STARD13: variants seen among roughly 807,000 people sequenced by gnomAD.
STARD13 encodes the protein stAR-related lipid transfer protein 13.
Under a neutral mutation model 106.4 loss-of-function variants are expected in STARD13, and 62 were observed. The observed-to-expected ratio is 0.58, with a 90% CI of 0.48 to 0.72. The LOEUF (loss-of-function observed/expected upper bound fraction) is 0.72. STARD13 is among the 30% of genes least tolerant of loss of function. The pLI is 0.00. For synonymous variants in STARD13, 565 were observed against 553.0 expected (o/e 1.02, Z -0.31); for missense variants, 1,387 against 1,424.0 (o/e 0.97, Z 0.42).
the STARD13 span, among the ~76,000 whole-genome samples, chr13:33,659,003 C>T: frequency 1.3e-5 from 2 of 152,046 alleles, no homozygotes; most frequent in Non-Finnish European, 2.9e-5. Flanking sequence ...GGTGGCAAGC[C>T]CAGGAAGCAC....
At chr13:33,146,853 C>T (rs1255002169) in intron 3 of STARD13, among the ~76,000 whole-genome samples, 2 of 152,198 alleles carry the variant, frequency 1.3e-5, no homozygotes, top group Non-Finnish European at 2.9e-5. Context: ...TATTCCTATG[C>T]CCTTTTCCCC....
In STARD13 at chr13:33,285,695, C is replaced by A; in HGVS notation, c.-57G>T. On this transcript the variant is annotated 5_prime_UTR_variant, in exon 1 of 14. Transcript: ENST00000336934. ...GCCTGTGGCTGTTGCCGTCTGTCTC[C>A]AGTCTCAGTCAAAGAGCAAGGCACC... 6.3e-7 allele frequency: 1 copy of A among 1,595,688 alleles called. No homozygotes were observed. The highest frequency in any genetic ancestry group is 1.1e-5 in the South Asian group (1 of 87,114).
the STARD13 span, among the ~76,000 whole-genome samples, chr13:33,415,774 T>G: frequency 6.6e-6 from 1 of 152,202 alleles, no homozygotes; most frequent in African/African-American, 2.4e-5. Flanking sequence ...AAAACATCCT[T>G]AATCTTCTTT....
the STARD13 span, among the ~76,000 whole-genome samples, chr13:33,545,497 A>G: frequency 6.6e-6 from 1 of 152,174 alleles, no homozygotes; most frequent in African/African-American, 2.4e-5. Context: ...GTAATGCTAT[A>G]TTTCATATAC....
At chr13:33,251,889 A>G (rs1347944567) in intron 1 of STARD13, among the ~76,000 whole-genome samples, 1 of 152,244 alleles carries the variant, frequency 6.6e-6, no homozygotes, top group African/African-American at 2.4e-5. Context: ...CCTGAACACA[A>G]TTTCAAAGTA....
rs564467647 is a variant in STARD13 at position 33,259,567 on chromosome 13, G to A, written c.169+25903C>T. ...CATCTACATAGTTGTCATGCAAAGA[G>A]AGCACTGAAAGTGGTTTGTGCATTC... On this transcript the variant is annotated intron_variant, in intron 1 of 13. Transcript: ENST00000336934. Among the ~76,000 whole-genome samples the A allele has an allele frequency of 6.6e-5, 10 of 152,254 alleles. No individual in the cohort carries two copies. In the East Asian group the frequency reaches 1.9e-3, roughly 29 times the overall value.
the STARD13 span, among the ~76,000 whole-genome samples, chr13:33,675,066 C>T: frequency 6.6e-6 from 1 of 152,170 alleles, no homozygotes; most frequent in Non-Finnish European, 1.5e-5. Context: ...CCCAGCTTCC[C>T]TTCCTTAGGA....
chr13:33,167,040 G>A (rs17078657), intron 2 of STARD13, among the ~76,000 whole-genome samples: 32,932 of 150,542 alleles, frequency 0.22, 5,905 homozygotes, highest in African/African-American at 0.49. Flanking sequence ...GAAAGGAAGT[G>A]TAATGCTAGC....
chr13:33,459,456 T>G, the STARD13 span, among the ~76,000 whole-genome samples: 5 of 152,236 alleles, frequency 3.3e-5, no homozygotes, highest in African/African-American at 1.2e-4. Flanking sequence ...TATTATTGAG[T>G]AGTGTTCTAT....
the STARD13 span, among the ~76,000 whole-genome samples, chr13:33,637,748 C>T: frequency 5.3e-5 from 8 of 152,202 alleles, no homozygotes; most frequent in African/African-American, 1.9e-4. Flanking sequence ...TTCTAATCAA[C>T]TCACACATTT....
At chr13:33,114,573 G>A (rs934502324) in intron 8 of STARD13, among the ~76,000 whole-genome samples, 1 of 152,190 alleles carries the variant, frequency 6.6e-6, no homozygotes, top group African/African-American at 2.4e-5. Context: ...AGAAACAGAT[G>A]GTACTAATGA....
At chr13:33,263,834 A>T (rs972576444) in intron 1 of STARD13, among the ~76,000 whole-genome samples, 7 of 152,230 alleles carry the variant, frequency 4.6e-5, no homozygotes, top group Non-Finnish European at 7.3e-5. Flanking sequence ...AATGTGTCAA[A>T]CATATATTTT....
the STARD13 span, among the ~76,000 whole-genome samples, chr13:33,417,525 CCA>C: frequency 6.6e-6 from 1 of 152,138 alleles, no homozygotes; most frequent in South Asian, 2.1e-4. Flanking sequence ...ACCCAAATGT[CCA>C]CAAACTGATG....
intron 3 of STARD13, among the ~76,000 whole-genome samples, chr13:33,148,306 G>C (rs1593968573): frequency 6.6e-6 from 1 of 152,116 alleles, no homozygotes; most frequent in South Asian, 2.1e-4. Flanking sequence ...TATACAGAGA[G>C]AGCATATTTG....
the STARD13 span, among the ~76,000 whole-genome samples, chr13:33,666,356 C>T: frequency 3.9e-5 from 6 of 152,270 alleles, no homozygotes; most frequent in African/African-American, 9.6e-5. Flanking sequence ...TGCGGTGGCA[C>T]GATCTCGGCT....
the STARD13 span, among the ~76,000 whole-genome samples, chr13:33,623,010 A>C: frequency 6.1e-3 from 924 of 151,884 alleles, 11 homozygotes; most frequent in African/African-American, 0.021. Flanking sequence ...GAGGCAGGAG[A>C]ATTGCTTGAA....
At chr13:33,391,574 C>T in the STARD13 span, among the ~76,000 whole-genome samples, 3 of 152,192 alleles carry the variant, frequency 2.0e-5, no homozygotes, top group East Asian at 3.9e-4. Context: ...TTATTATGGA[C>T]GTGACAGAAT....
intron 4 of STARD13, among the ~76,000 whole-genome samples, chr13:33,133,016 A>G (rs1283361603): frequency 1.3e-5 from 2 of 152,202 alleles, no homozygotes; most frequent in African/African-American, 4.8e-5. Context: ...AGTTGATATT[A>G]AATAAGGACT....
At chr13:33,567,653 A>G in the STARD13 span, among the ~76,000 whole-genome samples, 1 of 148,376 alleles carries the variant, frequency 6.7e-6, no homozygotes, top group Admixed American at 6.9e-5. Flanking sequence ...AAGGTGAACA[A>G]AAAGTGAAAA....
Sources: gnomAD v4.1 joint callset for allele counts (sites outside exome capture counted in the v4.1 genomes callset) on GRCh38, gnomAD v4.1.1 for gene constraint, MANE v1.5 for transcripts, NCBI Gene and HGNC (gene_info 2026-07-23, HGNC 2026-07-21) for gene names.